STK24: variants seen among roughly 807,000 people sequenced by gnomAD.
STK24 encodes the protein serine/threonine-protein kinase 24.
STK24 carries 21 observed loss-of-function variants against 55.6 expected under a neutral mutation model. That is an observed-to-expected ratio of 0.38 (90% CI 0.27 to 0.54). STK24 has a LOEUF of 0.54. Among genes scored for constraint, STK24 ranks in the 20% least tolerant of loss-of-function variants. STK24 has a pLI of 0.79. For missense variants in STK24, 383 were observed against 538.4 expected (o/e 0.71, Z 2.86); for synonymous variants, 200 against 215.2 (o/e 0.93, Z 0.62).
At chr13:98,479,389 A>G (rs2139297765) in intron 3 of STK24, among the ~76,000 whole-genome samples, 1 of 152,316 alleles carries the variant, frequency 6.6e-6, no homozygotes, top group East Asian at 1.9e-4. Flanking sequence ...GGCTCTTAAT[A>G]ATACTGTCTC....
intron 1 of STK24, 148 bp from the exon 2 acceptor site, chr13:98,519,621 C>G: frequency 1.5e-6 from 1 of 669,676 alleles, no homozygotes; most frequent in Non-Finnish European, 2.6e-6. Context: ...GTGGTGACCA[C>G]AGCTCTGCAG....
At position 98,571,342 on chromosome 13, in the gene STK24, G is replaced by C. The variant is rs981652974; in HGVS notation, c.42+5403C>G. On this transcript the variant is annotated intron_variant, in intron 1 of 10. Coordinates refer to ENST00000539966, the MANE Select transcript of STK24 (RefSeq NM_001032296.4). ...CCGTAGCTCCAAGAAGAGCATCAAA[G>C]TCAGAAAGAGGGTGGGAAAGCAATG... Among the ~76,000 whole-genome samples the C allele has an allele frequency of 5.2e-4, 79 of 152,174 alleles. 1 individual carries two copies. The highest frequency in any genetic ancestry group is 1.8e-3 in the African/African-American group (76 of 41,458).
chr13:98,492,074 C>CGTGT (rs1555305188), intron 2 of STK24, among the ~76,000 whole-genome samples: 2 of 62,214 alleles, frequency 3.2e-5, no homozygotes, highest in Non-Finnish European at 6.9e-5. Flanking sequence ...AAAGTGCGTG[C>CGTGT]GCGTGTGTGT....
Position 98,475,278 on chromosome 13 carries a change from C to G in STK24, c.411G>C (p.Ser137=), listed in dbSNP as rs781024030. ...EILKGLDYLH[S]EKKIHRDIKA... ...TAATGTCTCTGTGGATTTTCTTCTC[C>G]GAATGGAGATAATCGAGTCCTTTCA... The change falls in exon 4 of 11, where the codon TCG becomes TCC. Residue 137 remains serine (S), a synonymous_variant. Coordinates refer to ENST00000539966, the MANE Select transcript of STK24 (RefSeq NM_001032296.4). 6.2e-7 allele frequency: 1 copy of G among 1,612,316 alleles called. No homozygotes were observed. The highest frequency in any genetic ancestry group is 1.1e-5 in the South Asian group (1 of 90,672).
chr13:98,471,109 C>T (rs942285941), intron 5 of STK24, among the ~76,000 whole-genome samples: 1 of 152,218 alleles, frequency 6.6e-6, no homozygotes, highest in African/African-American at 2.4e-5. Context: ...GGCTCATCCT[C>T]CCAGCCAGGC....
chr13:98,508,785 G>T (rs1346374165), intron 2 of STK24: 2 of 152,042 alleles, frequency 1.3e-5, no homozygotes, highest in African/African-American at 4.8e-5. Context: ...TAACCTTCAG[G>T]GCCACGCCTC....
At chr13:98,569,774 T>A (rs1273144239) in intron 1 of STK24, among the ~76,000 whole-genome samples, 1 of 150,642 alleles carries the variant, frequency 6.6e-6, no homozygotes, top group Admixed American at 6.6e-5. Flanking sequence ...GGAGCCCATG[T>A]GAGGAAAAGA....
intron 8 of STK24, 50 bp from the exon 9 acceptor site, chr13:98,460,490 T>C (rs1266191945): frequency 1.3e-6 from 2 of 1,493,120 alleles, no homozygotes; most frequent in East Asian, 4.5e-5. Flanking sequence ...ACGTTCACAT[T>C]GGCAATAATT....
intron 8 of STK24, 98 bp from the exon 9 acceptor site, chr13:98,460,538 T>C (rs1342072402): frequency 3.1e-6 from 3 of 971,180 alleles, no homozygotes; most frequent in Non-Finnish European, 4.9e-6. Flanking sequence ...AGCGCAGGAG[T>C]TGCCTCTACA....
intron 1 of STK24, among the ~76,000 whole-genome samples, chr13:98,534,797 C>T (rs1372823687): frequency 6.6e-6 from 1 of 152,222 alleles, no homozygotes; most frequent in African/African-American, 2.4e-5. Context: ...GCATTCCCCA[C>T]TTCCTGAACC....
intron 1 of STK24, among the ~76,000 whole-genome samples, chr13:98,536,740 G>A (rs190207313): frequency 1.3e-5 from 2 of 152,170 alleles, no homozygotes; most frequent in African/African-American, 2.4e-5. Flanking sequence ...GTGCTCTGGG[G>A]TCCCGGGAGC....
chr13:98,448,537 G>C lies in STK24; in HGVS notation c.*4636C>G, dbSNP rs1594555772. 3.8e-5 allele frequency: 21 copies of C among 559,434 alleles called. No individual in the cohort carries two copies. In the South Asian group the frequency reaches 4.4e-4, roughly 12 times the overall value. The allele number at this position is 559,434 out of a possible 1,614,324, so 34.7% of individuals were successfully genotyped here. ...AGTCCTGGCATCCGCTGGGGGCGCTGTTCTTTAGCTAGTGCCAGTATTAAA... is the reference window on the plus strand; with the variant it reads ...AGTCCTGGCATCCGCTGGGGGCGCTCTTCTTTAGCTAGTGCCAGTATTAAA... On this transcript the variant is annotated 3_prime_UTR_variant, in exon 11 of 11. Transcript: ENST00000539966.
rs116818408 is a variant in STK24 at position 98,516,914 on chromosome 13, C to T, written c.273+2329G>A. Among the ~76,000 whole-genome samples the T allele has an allele frequency of 4.1e-3, 618 of 152,336 alleles. 4 individuals carry two copies. The highest frequency in any genetic ancestry group is 0.014 in the African/African-American group (595 of 41,566). ...AAGGTTAGGCTGATCTGAAACCTAA[C>T]GTTCTAGCATTAGCAGCTCAGGCAA... On this transcript the variant is annotated intron_variant, in intron 2 of 10. Coordinates refer to ENST00000539966, the MANE Select transcript of STK24 (RefSeq NM_001032296.4).
chr13:98,535,357 CAAACAAAA>C (rs1272464539), intron 1 of STK24, among the ~76,000 whole-genome samples: 5 of 37,068 alleles, frequency 1.3e-4, no homozygotes, highest in African/African-American at 3.3e-4. Flanking sequence ...AACAAACAAA[CAAACAAAA>C]AAAAAATATA....
At position 98,451,156 on chromosome 13, in the gene STK24, C is replaced by G. The variant is rs1893170969; in HGVS notation, c.*2017G>C. 6.6e-6 allele frequency: 1 copy of G among 152,204 alleles called. No homozygotes were observed. The highest frequency in any genetic ancestry group is 2.4e-5 in the African/African-American group (1 of 41,446). 9.4% of individuals were successfully genotyped at this position (152,204 alleles called of 1,614,324 possible). On this transcript the variant is annotated 3_prime_UTR_variant, in exon 11 of 11. Transcript: ENST00000539966. ...GTGATGTCATTGTCCATTTGTAAATCTGAAGAACTCTGTAAATCAGAAAAG... is the reference window on the plus strand; with the variant it reads ...GTGATGTCATTGTCCATTTGTAAATGTGAAGAACTCTGTAAATCAGAAAAG...
At chr13:98,534,142 A>AC (rs1256542872) in intron 1 of STK24, among the ~76,000 whole-genome samples, 1 of 151,848 alleles carries the variant, frequency 6.6e-6, no homozygotes, top group South Asian at 2.1e-4. Flanking sequence ...AAGCTCCAGC[A>AC]CCCCCGGAGT....
intron 1 of STK24, chr13:98,576,104 G>A (rs1312968732): frequency 2.0e-5 from 20 of 984,896 alleles, no homozygotes; most frequent in Admixed American, 6.2e-5. Context: ...GGCTGTCCGA[G>A]GGATTCCTCC....
intron 2 of STK24, among the ~76,000 whole-genome samples, chr13:98,496,089 T>A (rs1204871570): frequency 6.6e-6 from 1 of 152,248 alleles, no homozygotes; most frequent in Admixed American, 6.5e-5. Context: ...TGCCCTACAC[T>A]CATGCGGGAG....
intron 1 of STK24, among the ~76,000 whole-genome samples, chr13:98,568,078 C>A (rs1897635855): frequency 6.6e-6 from 1 of 151,784 alleles, no homozygotes; most frequent in African/African-American, 2.4e-5. Flanking sequence ...CGGCTCCCTG[C>A]AACTTCCGTC....
Sources: gnomAD v4.1 joint callset for allele counts (sites outside exome capture counted in the v4.1 genomes callset) on GRCh38, gnomAD v4.1.1 for gene constraint, MANE v1.5 for transcripts, NCBI Gene and HGNC (gene_info 2026-07-23, HGNC 2026-07-21) for gene names.